AOPEP: variants seen among roughly 807,000 people sequenced by gnomAD.
AOPEP encodes the protein aminopeptidase O.
A neutral mutation model predicts 98.1 loss-of-function variants in AOPEP; 77 were observed. The observed-to-expected ratio is 0.78, with a 90% confidence interval of 0.65 to 0.95. The LOEUF is 0.95. AOPEP is among the 40% of genes least tolerant of loss of function. The pLI, the probability that AOPEP is intolerant of heterozygous loss-of-function variation, is 0.00. For missense variants in AOPEP, 1,024 were observed against 1,024.7 expected (o/e 1.00, Z 0.01); for synonymous variants, 346 against 365.3 (o/e 0.95, Z 0.60).
At chr9:94,981,157 C>T (rs995729531) in intron 11 of AOPEP, among the ~76,000 whole-genome samples, 9 of 152,234 alleles carry the variant, frequency 5.9e-5, no homozygotes, top group Non-Finnish European at 1.2e-4. Flanking sequence ...GGGGCTGGCT[C>T]TCTCACTGCC....
the AOPEP span, among the ~76,000 whole-genome samples, chr9:95,144,671 G>C: frequency 6.6e-6 from 1 of 152,210 alleles, no homozygotes; most frequent in Non-Finnish European, 1.5e-5. Context: ...TATATTCCTA[G>C]ATGAATCAAG....
rs562256070 is a variant in AOPEP at position 94,819,270 on chromosome 9, G to T, written c.1364+18268G>T. On this transcript the variant is annotated intron_variant, in intron 5 of 16. Transcript: ENST00000375315. ...CTGAGCCATTATCTGACTTGTGTCT[G>T]AAAGGACTGCGTGATGGAAACTTCT... 5.9e-5 allele frequency among the ~76,000 whole-genome samples: 9 copies of T among 152,332 alleles called. No individual in the cohort carries two copies. The East Asian group carries it at 1.7e-3, about 30-fold the overall frequency.
At chr9:94,772,937 G>T in intron 2 of AOPEP, 65 bp from the exon 3 acceptor site, 1 of 1,462,732 alleles carries the variant, frequency 6.8e-7, no homozygotes. Context: ...CTACCATACT[G>T]GTGAGAAAAG....
chr9:94,969,308 G>A (rs562288862), intron 10 of AOPEP, among the ~76,000 whole-genome samples: 2 of 152,186 alleles, frequency 1.3e-5, no homozygotes, highest in South Asian at 4.2e-4. Flanking sequence ...GGTTTGCAGA[G>A]GGGTCTTAGA....
At chr9:94,987,354 T>C (rs2060585365) in intron 11 of AOPEP, among the ~76,000 whole-genome samples, 1 of 152,102 alleles carries the variant, frequency 6.6e-6, no homozygotes, top group Non-Finnish European at 1.5e-5. Flanking sequence ...CAGGTGGAGA[T>C]TGTGGAGAAG....
chr9:95,051,430 CT>C (rs1286719523), intron 13 of AOPEP, among the ~76,000 whole-genome samples: 1 of 151,654 alleles, frequency 6.6e-6, no homozygotes, highest in Non-Finnish European at 1.5e-5. Flanking sequence ...TTAAAAAACC[CT>C]TAATCGTTAA....
chr9:95,016,864 G>A (rs941160352), intron 13 of AOPEP, among the ~76,000 whole-genome samples: 1 of 151,540 alleles, frequency 6.6e-6, no homozygotes, highest in East Asian at 1.9e-4. Context: ...GCCACCCAAA[G>A]TGCTAGGATT....
intron 1 of AOPEP, among the ~76,000 whole-genome samples, chr9:94,743,185 GA>G (rs1564051558): frequency 6.7e-4 from 85 of 127,242 alleles, no homozygotes; most frequent in Admixed American, 2.3e-3. Context: ...AGAAGAAGAA[GA>G]AGAAGAAGAA....
At chr9:94,942,921 A>C (rs1589014172) in intron 7 of AOPEP, among the ~76,000 whole-genome samples, 2 of 151,840 alleles carry the variant, frequency 1.3e-5, no homozygotes, top group East Asian at 3.9e-4. Context: ...AAAAAAAAAA[A>C]AAAAAATCAT....
At chr9:95,080,078 C>G (rs114919555) in intron 14 of AOPEP, among the ~76,000 whole-genome samples, 1 of 152,334 alleles carries the variant, frequency 6.6e-6, no homozygotes, top group African/African-American at 2.4e-5. Context: ...CACCAGCAGC[C>G]TGGTCGGAAT....
chr9:94,806,319 G>C (rs1464362392), intron 5 of AOPEP, among the ~76,000 whole-genome samples: 2 of 152,100 alleles, frequency 1.3e-5, no homozygotes, highest in African/African-American at 4.8e-5. Flanking sequence ...TTTCTGCATG[G>C]ATTGTTTTTT....
At chr9:95,107,058 A>C in the AOPEP span, 1 of 1,614,086 alleles carries the variant, frequency 6.2e-7, no homozygotes, top group Non-Finnish European at 8.5e-7. Flanking sequence ...GACCACAGGG[A>C]GACTTACCAG....
chr9:94,761,029 G>A (rs544253952), intron 2 of AOPEP, among the ~76,000 whole-genome samples: 13 of 152,314 alleles, frequency 8.5e-5, no homozygotes, highest in African/African-American at 3.1e-4. Flanking sequence ...AATAAAGCCA[G>A]CTCTGCTTTG....
At chr9:94,868,832 T>C (rs773833656) in intron 5 of AOPEP, among the ~76,000 whole-genome samples, 1 of 152,254 alleles carries the variant, frequency 6.6e-6, no homozygotes, top group Non-Finnish European at 1.5e-5. Flanking sequence ...TTTTACTTCA[T>C]GTGTATTCGG....
intron 11 of AOPEP, among the ~76,000 whole-genome samples, chr9:94,983,858 C>G (rs938527356): frequency 2.3e-4 from 34 of 147,592 alleles, no homozygotes; most frequent in South Asian, 1.6e-3. Context: ...CCCCTCCCCC[C>G]TCCCCCGGAA....
chr9:95,102,799 G>A, the AOPEP span, among the ~76,000 whole-genome samples: 2 of 152,222 alleles, frequency 1.3e-5, no homozygotes, highest in African/African-American at 4.8e-5. Context: ...TGCGCACTGT[G>A]TGAATGGCAG....
chr9:95,011,491 C>A (rs752875265), intron 13 of AOPEP, among the ~76,000 whole-genome samples: 2 of 152,072 alleles, frequency 1.3e-5, no homozygotes, highest in Non-Finnish European at 2.9e-5. Context: ...CATGAGCCAC[C>A]GCGCACAGCT....
chr9:94,827,187 A>G (rs1466338585), intron 5 of AOPEP, among the ~76,000 whole-genome samples: 4 of 152,202 alleles, frequency 2.6e-5, no homozygotes, highest in Non-Finnish European at 5.9e-5. Flanking sequence ...CCCCAGAGTC[A>G]TTAGTAGAGA....
intron 7 of AOPEP, among the ~76,000 whole-genome samples, chr9:94,953,541 T>C (rs2137912583): frequency 6.6e-6 from 1 of 152,302 alleles, no homozygotes; most frequent in African/African-American, 2.4e-5. Context: ...TTGCAATGTA[T>C]TATTTCAGTT....
Sources: gnomAD v4.1 joint callset for allele counts (sites outside exome capture counted in the v4.1 genomes callset) on GRCh38, gnomAD v4.1.1 for gene constraint, MANE v1.5 for transcripts, NCBI Gene and HGNC (gene_info 2026-07-23, HGNC 2026-07-21) for gene names.